Variants in TAOK1 observed in about 807,000 individuals in gnomAD.
TAOK1 encodes TAO kinase 1, also known as serine/threonine-protein kinase TAO1.
A neutral mutation model predicts 138.3 loss-of-function variants in TAOK1; 21 were observed. That is an observed-to-expected ratio of 0.15 (90% CI 0.11 to 0.22). The LOEUF (loss-of-function observed/expected upper bound fraction) is 0.22. Ranked by LOEUF, TAOK1 falls within the 10% of genes least tolerant of loss-of-function variation. TAOK1 has a pLI of 1.00. For synonymous variants in TAOK1, 361 were observed against 398.4 expected (o/e 0.91, Z 1.12); for missense variants, 651 against 1,227.7 (o/e 0.53, Z 7.02).
intron 1 of TAOK1, among the ~76,000 whole-genome samples, chr17:29,421,372 C>G (rs906059458): frequency 2.0e-5 from 3 of 152,124 alleles, no homozygotes; most frequent in Non-Finnish European, 4.4e-5. Context: ...TACATTATAT[C>G]TGTTTGAGAT....
At chr17:29,443,219 A>C (rs2029991341) in intron 1 of TAOK1, among the ~76,000 whole-genome samples, 1 of 152,192 alleles carries the variant, frequency 6.6e-6, no homozygotes, top group Non-Finnish European at 1.5e-5. Flanking sequence ...TCTTGTGAAA[A>C]TCTGAAGGTT....
chr17:29,473,732 TTC>T (rs888259586), intron 3 of TAOK1, among the ~76,000 whole-genome samples: 14 of 152,118 alleles, frequency 9.2e-5, no homozygotes, highest in Non-Finnish European at 1.9e-4. Flanking sequence ...TTCTTTCTTT[TTC>T]TTTTTTTTTT....
At chr17:29,534,414 C>G (rs1487878134) in intron 19 of TAOK1, 114 bp downstream of exon 19, 1 of 988,040 alleles carries the variant, frequency 1.0e-6, no homozygotes, top group Non-Finnish European at 1.4e-6. Context: ...CACAATACCA[C>G]ATTTCCTGAA....
intron 11 of TAOK1, 75 bp downstream of exon 11, chr17:29,495,802 T>A: frequency 7.7e-7 from 1 of 1,295,900 alleles, no homozygotes; most frequent in Non-Finnish European, 1.0e-6. Context: ...TGCCCTGCCA[T>A]AATTTACCTT....
chr17:29,541,188 C>T (rs371505443), intron 19 of TAOK1, among the ~76,000 whole-genome samples: 13 of 151,922 alleles, frequency 8.6e-5, no homozygotes, highest in African/African-American at 3.1e-4. Flanking sequence ...CTGCTCACTG[C>T]AGCCTCTGCC....
chr17:29,430,458 A>T (rs1905789825), intron 1 of TAOK1, among the ~76,000 whole-genome samples: 1 of 152,222 alleles, frequency 6.6e-6, no homozygotes, highest in African/African-American at 2.4e-5. Flanking sequence ...GTAACTTCGC[A>T]TCTGCAAAAA....
At chr17:29,516,646 T>G (rs2031821619) in intron 15 of TAOK1, among the ~76,000 whole-genome samples, 1 of 151,190 alleles carries the variant, frequency 6.6e-6, no homozygotes. Context: ...ACATTACAGG[T>G]GTGCACCACC....
chr17:29,397,816 T>A (rs555861329), intron 1 of TAOK1, among the ~76,000 whole-genome samples: 1 of 150,688 alleles, frequency 6.6e-6, no homozygotes, highest in Non-Finnish European at 1.5e-5. Context: ...TGTATATATG[T>A]ATATACATGT....
intron 1 of TAOK1, among the ~76,000 whole-genome samples, chr17:29,395,720 T>C (rs1904575959): frequency 1.3e-5 from 2 of 149,490 alleles, no homozygotes; most frequent in South Asian, 4.2e-4. Flanking sequence ...TGCAATAGCG[T>C]GATCACAGCG....
At chr17:29,514,179 C>T (rs1377917635) in intron 15 of TAOK1, 1 of 152,092 alleles carries the variant, frequency 6.6e-6, no homozygotes. Flanking sequence ...TTATTCCTTT[C>T]TCTTCCCATA....
intron 1 of TAOK1, chr17:29,445,278 T>G (rs992368460): frequency 1.3e-5 from 2 of 152,402 alleles, no homozygotes; most frequent in Non-Finnish European, 2.9e-5. Flanking sequence ...CCAATTATAC[T>G]CTTCAAGTTA....
chr17:29,543,050 T>C lies in TAOK1; in HGVS notation c.*28T>C. On this transcript the variant is annotated 3_prime_UTR_variant, in exon 20 of 20. Transcript: ENST00000261716. ...TAATAATTGAGAGTGGCAATTCCGC[T>C]GGAGCTGTCTGCCAAAAGAAACTGC... 6.7e-7 allele frequency: 1 copy of C among 1,497,364 alleles called. No individual in the cohort carries two copies. Among genetic ancestry groups the C allele is most frequent in the Non-Finnish European group, 9.0e-7 (1 of 1,113,734 alleles). 92.8% of individuals were successfully genotyped at this position (1,497,364 alleles called of 1,614,324 possible). A position where few individuals can be genotyped will look rare whatever the true frequency, so the allele number is the denominator to read the frequency against.
chr17:29,540,727 C>T (rs146458428), intron 19 of TAOK1, among the ~76,000 whole-genome samples: 199 of 152,258 alleles, frequency 1.3e-3, no homozygotes, highest in Non-Finnish European at 2.2e-3. Flanking sequence ...TGTGCCACCA[C>T]GCCCGGCTAA....
chr17:29,427,875 G>A (rs980277826), intron 1 of TAOK1, among the ~76,000 whole-genome samples: 2 of 149,432 alleles, frequency 1.3e-5, no homozygotes, highest in African/African-American at 2.5e-5. Context: ...GCAGTGAGCC[G>A]AGATTGCGCC....
At chr17:29,394,157 T>TTTTTTG (rs1904517258) in intron 1 of TAOK1, among the ~76,000 whole-genome samples, 1 of 104,202 alleles carries the variant, frequency 9.6e-6, no homozygotes, top group Non-Finnish European at 1.9e-5. Flanking sequence ...CCAGTTTTTT[T>TTTTTTG]TTTTTTTTTT....
At chr17:29,449,936 G>T (rs916193487) in intron 1 of TAOK1, among the ~76,000 whole-genome samples, 13 of 152,112 alleles carry the variant, frequency 8.5e-5, no homozygotes, top group African/African-American at 2.4e-4. Flanking sequence ...AACACTTACT[G>T]TAGTGCTTAT....
rs1051537084 is a variant in TAOK1, at chr17:29,547,785, A to G, written c.*4763A>G. 6.6e-6 allele frequency: 1 copy of G among 152,084 alleles called. No homozygotes were observed. Among genetic ancestry groups the G allele is most frequent in the Admixed American group, 6.6e-5 (1 of 15,264 alleles). 9.4% of individuals were successfully genotyped at this position (152,084 alleles called of 1,614,324 possible). On this transcript the variant is annotated 3_prime_UTR_variant, in exon 20 of 20. Transcript: ENST00000261716. The stretch of plus-strand genomic sequence containing the variant: ...CAACCAGGTTGTAGCATTGCCTTTT[A>G]AAAGAGACTCACTCACTCTTAGTTT...
chr17:29,492,706 C>T (rs771190368), intron 10 of TAOK1, among the ~76,000 whole-genome samples: 2 of 152,120 alleles, frequency 1.3e-5, no homozygotes, highest in Non-Finnish European at 2.9e-5. Context: ...GCAGGAGAAT[C>T]GCTTGAACCT....
chr17:29,526,477 G>T (rs558519411), intron 17 of TAOK1, among the ~76,000 whole-genome samples: 1 of 152,068 alleles, frequency 6.6e-6, no homozygotes, highest in Admixed American at 6.6e-5. Context: ...GGGCAGTGGC[G>T]CAATCTCGGC....
Sources: gnomAD v4.1 joint callset for allele counts (sites outside exome capture counted in the v4.1 genomes callset) on GRCh38, gnomAD v4.1.1 for gene constraint, MANE v1.5 for transcripts, NCBI Gene and HGNC (gene_info 2026-07-23, HGNC 2026-07-21) for gene names.